Variants in THAP12 observed in about 807,000 individuals in gnomAD.
THAP12 encodes the protein THAP domain containing 12.
THAP12 carries 20 observed loss-of-function variants against 63.0 expected under a neutral mutation model. The ratio of observed to expected loss-of-function variants is 0.32; its 90% CI spans 0.22 to 0.46. The LOEUF (loss-of-function observed/expected upper bound fraction) is 0.46, where lower values mean the gene tolerates loss of function less well. Among genes scored for constraint, THAP12 ranks in the 20% least tolerant of loss-of-function variants. The pLI, the probability that THAP12 is intolerant of heterozygous loss-of-function variation, is 1.00. For synonymous variants in THAP12, 264 were observed against 328.4 expected (o/e 0.80, Z 2.12); for missense variants, 568 against 908.2 (o/e 0.63, Z 4.81).
chr11:76,372,655 G>A (rs1946682731), intron 1 of THAP12, among the ~76,000 whole-genome samples: 1 of 151,668 alleles, frequency 6.6e-6, no homozygotes, highest in South Asian at 2.1e-4. Flanking sequence ...AGAGGCCAAG[G>A]CAAGAGGATC....
At chr11:76,367,940 G>C (rs1946643336) in intron 1 of THAP12, among the ~76,000 whole-genome samples, 1 of 152,074 alleles carries the variant, frequency 6.6e-6, no homozygotes, top group African/African-American at 2.4e-5. Context: ...CGATGCCTAA[G>C]ATGTTCACAA....
chr11:76,377,919 AT>A (rs1946722816), intron 1 of THAP12, among the ~76,000 whole-genome samples: 1 of 152,204 alleles, frequency 6.6e-6, no homozygotes, highest in Non-Finnish European at 1.5e-5. Flanking sequence ...CTATTTTAAA[AT>A]TGGGTTGTCT....
intron 1 of THAP12, among the ~76,000 whole-genome samples, chr11:76,379,925 T>C (rs1008113225): frequency 1.3e-5 from 2 of 152,210 alleles, no homozygotes; most frequent in African/African-American, 2.4e-5. Flanking sequence ...GTTCCCTTAC[T>C]GGACTGAGAG....
rs765049742 is a variant in THAP12 at position 76,380,770 on chromosome 11, T to G, written c.67A>C (p.Arg23=). ...TACCTGGCAGGGTCCCGCGGGAACCTGAAGAAGGCCAAGTCGGACTGCGTG... is the reference window on the plus strand; with the variant it reads ...TACCTGGCAGGGTCCCGCGGGAACCGGAAGAAGGCCAAGTCGGACTGCGTG... ...KSTQSDLAFF[R]FPRDPARCQK... is the part of the protein sequence containing the mutation. Residue 23 remains arginine, a synonymous_variant, in exon 1 of 5, where the codon AGG becomes CGG. Transcript: ENST00000260045. The G allele has an allele frequency of 4.1e-6, 6 of 1,462,484 alleles. No individual in the cohort carries two copies. The highest frequency in any genetic ancestry group is 5.4e-6 in the Non-Finnish European group (6 of 1,101,226). 90.6% of individuals were successfully genotyped at this position (1,462,484 alleles called of 1,614,324 possible).
At chr11:76,358,668 C>A (rs968892552) in intron 3 of THAP12, 18 of 152,000 alleles carry the variant, frequency 1.2e-4, no homozygotes. Context: ...ATAAGCCAGG[C>A]ATGGTGGCAC....
At chr11:76,376,969 T>C (rs1259539398) in intron 1 of THAP12, among the ~76,000 whole-genome samples, 1 of 151,956 alleles carries the variant, frequency 6.6e-6, no homozygotes, top group Non-Finnish European at 1.5e-5. Context: ...CAAGGCCAAG[T>C]CAGACTAAGA....
At chr11:76,369,162 T>C (rs73002551) in intron 1 of THAP12, among the ~76,000 whole-genome samples, 18,754 of 152,160 alleles carry the variant, frequency 0.12, 1,432 homozygotes, top group South Asian at 0.23. Flanking sequence ...TCATTTGCCA[T>C]CAGGGAAATG....
At chr11:76,374,574 G>T (rs2134516163) in intron 1 of THAP12, among the ~76,000 whole-genome samples, 1 of 152,168 alleles carries the variant, frequency 6.6e-6, no homozygotes, top group Non-Finnish European at 1.5e-5. Context: ...AATGTCTACT[G>T]AACACTCAGA....
At chr11:76,364,390 A>T (rs1565233591) in intron 2 of THAP12, 1 of 440,518 alleles carries the variant, frequency 2.3e-6, no homozygotes, top group Non-Finnish European at 4.5e-6. Context: ...AAATAAAATA[A>T]CCCAATCATT....
chr11:76,374,313 T>C (rs952969855), intron 1 of THAP12, among the ~76,000 whole-genome samples: 2 of 150,982 alleles, frequency 1.3e-5, no homozygotes, highest in Non-Finnish European at 2.9e-5. Flanking sequence ...TGTAAAACCA[T>C]AAATTGGTCA....
At chr11:76,362,274 T>A (rs546248715) in intron 2 of THAP12, among the ~76,000 whole-genome samples, 1 of 152,350 alleles carries the variant, frequency 6.6e-6, no homozygotes, top group South Asian at 2.1e-4. Context: ...TTTCAAAATA[T>A]CTAAGCATGC....
chr11:76,380,770 T>C lies in THAP12; in HGVS notation c.67A>G (p.Arg23Gly). Reference protein sequence around the residue: ...KSTQSDLAFFRFPRDPARCQK... With the variant: ...KSTQSDLAFFGFPRDPARCQK... Reference sequence around the variant, plus strand: ...TACCTGGCAGGGTCCCGCGGGAACCTGAAGAAGGCCAAGTCGGACTGCGTG... The same window carrying C: ...TACCTGGCAGGGTCCCGCGGGAACCCGAAGAAGGCCAAGTCGGACTGCGTG... The change falls in exon 1 of 5, where the codon AGG (arginine) becomes GGG (glycine). Residue 23 changes from arginine (R) to glycine (G), a missense_variant. Arg to Gly is a moderately radical substitution (Grantham distance 125). Transcript: ENST00000260045. 1 of 1,462,484 alleles carries C rather than the reference T, an allele frequency of 6.8e-7. No homozygotes were observed. Among genetic ancestry groups the C allele is most frequent in the Non-Finnish European group, 9.1e-7 (1 of 1,101,226 alleles). 90.6% of individuals were successfully genotyped at this position (1,462,484 alleles called of 1,614,324 possible).
Position 76,365,141 on chromosome 11 carries a change from C to A in THAP12, c.210+711G>T, listed in dbSNP as rs183057863. 3.3e-3 allele frequency among the ~76,000 whole-genome samples: 500 copies of A among 151,992 alleles called. 3 individuals are homozygous for A. Among genetic ancestry groups the A allele is most frequent in the African/African-American group, 9.4e-3 (390 of 41,472 alleles). ...ACTAAAAGTACAAAAATTAGCTGGGCGTGGTGGCACAATGCCTGTAATCTC... is the reference window on the plus strand; with the variant it reads ...ACTAAAAGTACAAAAATTAGCTGGGAGTGGTGGCACAATGCCTGTAATCTC... On this transcript the variant is annotated intron_variant, in intron 2 of 4. Transcript: ENST00000260045.
chr11:76,377,422 G>A (rs1040303500), intron 1 of THAP12, among the ~76,000 whole-genome samples: 29 of 152,062 alleles, frequency 1.9e-4, no homozygotes, highest in Non-Finnish European at 2.9e-5. Flanking sequence ...CTTTCGCCCA[G>A]CCCCAGGCAA....
chr11:76,370,746 C>T (rs1027780669), intron 1 of THAP12, among the ~76,000 whole-genome samples: 1 of 148,378 alleles, frequency 6.7e-6, no homozygotes, highest in African/African-American at 2.5e-5. Flanking sequence ...CACTTGAATC[C>T]GGGAGGTGGA....
intron 3 of THAP12, 38 bp downstream of exon 3, chr11:76,360,918 T>A (rs1013453027): frequency 7.5e-7 from 1 of 1,341,826 alleles, no homozygotes; most frequent in Non-Finnish European, 1.1e-6. Context: ...CATAGTATTA[T>A]GGGGGAAGGT....
intron 3 of THAP12, among the ~76,000 whole-genome samples, chr11:76,360,247 A>G (rs1368871556): frequency 6.6e-6 from 1 of 152,242 alleles, no homozygotes; most frequent in Non-Finnish European, 1.5e-5. Context: ...GACTGATAGG[A>G]CATATATTAA....
intron 1 of THAP12, among the ~76,000 whole-genome samples, chr11:76,372,922 C>T (rs764911802): frequency 6.6e-6 from 1 of 151,538 alleles, no homozygotes; most frequent in Non-Finnish European, 1.5e-5. Flanking sequence ...CAAAAAAGTT[C>T]GGGTAATACC....
At chr11:76,362,724 G>A (rs539627804) in intron 2 of THAP12, among the ~76,000 whole-genome samples, 3 of 152,314 alleles carry the variant, frequency 2.0e-5, no homozygotes, top group Admixed American at 2.0e-4. Flanking sequence ...ATAAGGAGGG[G>A]AGGAATAAAA....
Sources: gnomAD v4.1 joint callset for allele counts (sites outside exome capture counted in the v4.1 genomes callset) on GRCh38, gnomAD v4.1.1 for gene constraint, MANE v1.5 for transcripts, NCBI Gene and HGNC (gene_info 2026-07-23, HGNC 2026-07-21) for gene names.